SNX14: variants seen among roughly 807,000 people sequenced by gnomAD.
SNX14 encodes the protein sorting nexin-14.
Under a neutral mutation model 133.8 loss-of-function variants are expected in SNX14, and 93 were observed. The ratio of observed to expected loss-of-function variants is 0.70; its 90% CI spans 0.59 to 0.83. The LOEUF (loss-of-function observed/expected upper bound fraction) is 0.83. Among genes scored for constraint, SNX14 ranks in the 40% least tolerant of loss-of-function variants. SNX14 has a pLI of 0.00. For missense variants in SNX14, 945 were observed against 1,094.9 expected (o/e 0.86, Z 1.93); for synonymous variants, 368 against 365.6 (o/e 1.01, Z -0.07).
chr6:85,559,841 A>T (rs927371801), intron 6 of SNX14, among the ~76,000 whole-genome samples: 2 of 152,220 alleles, frequency 1.3e-5, no homozygotes, highest in East Asian at 3.8e-4. Flanking sequence ...AGGAATTTGA[A>T]TGGACATTTC....
chr6:85,555,679 T>G (rs577418503), intron 7 of SNX14, among the ~76,000 whole-genome samples: 1 of 152,266 alleles, frequency 6.6e-6, no homozygotes, highest in African/African-American at 2.4e-5. Flanking sequence ...ATCCATAGAA[T>G]GCACAATGTA....
intron 14 of SNX14, among the ~76,000 whole-genome samples, chr6:85,542,266 C>T (rs1477832674): frequency 6.6e-6 from 1 of 152,190 alleles, no homozygotes; most frequent in Non-Finnish European, 1.5e-5. Context: ...TGCGTCACTG[C>T]AGTACTACAA....
chr6:85,577,791 C>T (rs577377673), intron 1 of SNX14, among the ~76,000 whole-genome samples: 2 of 151,896 alleles, frequency 1.3e-5, no homozygotes, highest in South Asian at 2.1e-4. Flanking sequence ...CAAACACAAA[C>T]GAACAAACAA....
At chr6:85,529,005 G>A (rs866010618) in intron 19 of SNX14, among the ~76,000 whole-genome samples, 41 of 150,216 alleles carry the variant, frequency 2.7e-4, no homozygotes, top group Middle Eastern at 3.4e-3. Flanking sequence ...GGAGTTGAGA[G>A]CACACCACTG....
intron 7 of SNX14, among the ~76,000 whole-genome samples, chr6:85,550,633 G>A (rs1787457222): frequency 6.6e-6 from 1 of 151,954 alleles, no homozygotes; most frequent in Non-Finnish European, 1.5e-5. Context: ...AGAGTAGCTG[G>A]GCCCACAGGC....
chr6:85,556,472 CT>C (rs371881772), intron 7 of SNX14, among the ~76,000 whole-genome samples: 92 of 136,894 alleles, frequency 6.7e-4, no homozygotes, highest in Middle Eastern at 3.8e-3. Context: ...TCACATTCAT[CT>C]TTTTTTTTTT....
intron 12 of SNX14, among the ~76,000 whole-genome samples, chr6:85,546,025 G>A (rs1785381159): frequency 6.6e-6 from 1 of 152,104 alleles, no homozygotes; most frequent in Non-Finnish European, 1.5e-5. Context: ...ACTTTAAAAA[G>A]CATTATCCTG....
chr6:85,508,768 T>C (rs1395619228), intron 26 of SNX14, among the ~76,000 whole-genome samples: 1 of 152,136 alleles, frequency 6.6e-6, no homozygotes, highest in Non-Finnish European at 1.5e-5. Context: ...ATATCAATTC[T>C]GTTACCAAGA....
At chr6:85,545,543 AGAG>A (rs1414430624) in intron 12 of SNX14, among the ~76,000 whole-genome samples, 3 of 152,244 alleles carry the variant, frequency 2.0e-5, no homozygotes, top group Non-Finnish European at 4.4e-5. Context: ...CAAAGATAAA[AGAG>A]GAGCATTTTA....
At chr6:85,557,883 A>T in intron 7 of SNX14, 93 bp downstream of exon 7, 1 of 724,658 alleles carries the variant, frequency 1.4e-6, no homozygotes, top group Non-Finnish European at 2.4e-6. Context: ...TGAATATGTA[A>T]GTTAATTAAT....
At chr6:85,580,780 G>A (rs1282745512) in intron 1 of SNX14, among the ~76,000 whole-genome samples, 3 of 152,182 alleles carry the variant, frequency 2.0e-5, no homozygotes, top group Non-Finnish European at 4.4e-5. Context: ...CTGGGGAAAA[G>A]GAAGAGTGGT....
At chr6:85,534,445 C>A (rs1415086325) in intron 17 of SNX14, among the ~76,000 whole-genome samples, 6 of 152,232 alleles carry the variant, frequency 3.9e-5, no homozygotes, top group Non-Finnish European at 4.4e-5. Flanking sequence ...CTTCTAAATT[C>A]TAAATGGCAT....
At position 85,565,399 on chromosome 6, in the gene SNX14, G is replaced by T; in HGVS notation, c.482C>A (p.Ser161Tyr). 1 of 1,601,618 alleles carries T rather than the reference G, an allele frequency of 6.2e-7. No homozygotes were observed. The change falls in exon 6 of 29, where the codon TCC becomes TAC. Residue 161 changes from serine to tyrosine, a missense_variant. By Grantham distance (144) the Ser-to-Tyr change is moderately radical. Around this residue, in one of 3 missense-constraint regions of SNX14, gnomAD observed 514 missense variants for 538.8 expected, o/e 0.95. Coordinates refer to ENST00000314673, the MANE Select transcript of SNX14 (RefSeq NM_153816.6). ...PWYRDVTDDESFVDELRITLR... is the reference protein window; with the variant it reads ...PWYRDVTDDEYFVDELRITLR... ...TGTTATTCTCAGTTCATCAACAAAG[G>T]ATTCATCATCTGTCACATCCCTTCA...
At position 85,505,959 on chromosome 6, in the gene SNX14, C is replaced by T. The variant is rs1419301531; in HGVS notation, c.*8G>A. 5.0e-6 allele frequency: 8 copies of T among 1,598,232 alleles called. No homozygotes were observed. In the Admixed American group the frequency reaches 1.0e-4, roughly 20 times the overall value. On this transcript the variant is annotated 3_prime_UTR_variant, in exon 29 of 29. Coordinates refer to ENST00000314673, the MANE Select transcript of SNX14 (RefSeq NM_153816.6). ...TTCAATGGGTTATTCTATACCAAAT[C>T]CAAGTGTTTACATCCAAGATGTCAC...
intron 18 of SNX14, among the ~76,000 whole-genome samples, chr6:85,531,627 A>G (rs1163350140): frequency 6.6e-6 from 1 of 152,228 alleles, no homozygotes; most frequent in Non-Finnish European, 1.5e-5. Flanking sequence ...TAAAATCAAT[A>G]TACTAAATGA....
intron 23 of SNX14, among the ~76,000 whole-genome samples, chr6:85,516,584 A>G (rs914385554): frequency 1.3e-5 from 2 of 151,934 alleles, no homozygotes; most frequent in East Asian, 3.9e-4. Flanking sequence ...AGAAAGAAAA[A>G]TTATAGGCTA....
At chr6:85,591,230 G>A (rs1343526356) in intron 1 of SNX14, among the ~76,000 whole-genome samples, 1 of 150,870 alleles carries the variant, frequency 6.6e-6, no homozygotes, top group Non-Finnish European at 1.5e-5. Flanking sequence ...CTGTGTGTGT[G>A]TGTGTGTACG....
chr6:85,583,483 G>A (rs1309465653), intron 1 of SNX14, among the ~76,000 whole-genome samples: 1 of 152,204 alleles, frequency 6.6e-6, no homozygotes, highest in Non-Finnish European at 1.5e-5. Context: ...CAGATGACAT[G>A]ATTGTATATT....
chr6:85,572,877 T>C (rs1583036872), intron 2 of SNX14, among the ~76,000 whole-genome samples: 1 of 152,172 alleles, frequency 6.6e-6, no homozygotes, highest in South Asian at 2.1e-4. Flanking sequence ...GAGGATCACC[T>C]GAGCTCAGGA....
Sources: gnomAD v4.1 joint callset for allele counts (sites outside exome capture counted in the v4.1 genomes callset) on GRCh38, gnomAD v4.1.1 for gene constraint, gnomAD v4.1.1 regional missense constraint, MANE v1.5 for transcripts, NCBI Gene and HGNC (gene_info 2026-07-23, HGNC 2026-07-21) for gene names.